BARX2: variants seen among roughly 807,000 people sequenced by gnomAD.
The protein encoded by BARX2 is BARX homeobox 2.
In BARX2, 11 loss-of-function variants were observed where a neutral mutation model predicts 25.5. That is an observed-to-expected ratio of 0.43 (90% CI 0.27 to 0.71). The LOEUF (loss-of-function observed/expected upper bound fraction) is 0.71. Among genes scored for constraint, BARX2 ranks in the 30% least tolerant of loss-of-function variants. BARX2 has a pLI of 0.19. For synonymous variants in BARX2, 137 were observed against 149.5 expected, an observed-to-expected ratio of 0.92 and a Z score of 0.61; for missense variants, 360 against 359.9, an observed-to-expected ratio of 1.00 and a Z score of 0.00.
intron 1 of BARX2, among the ~76,000 whole-genome samples, chr11:129,396,412 G>A (rs569752722): frequency 3.4e-5 from 5 of 149,154 alleles, no homozygotes; most frequent in Admixed American, 6.7e-5. Context: ...TTTTGTCTAA[G>A]TATTTATAAT....
chr11:129,415,612 C>T (rs1167438774), intron 1 of BARX2, among the ~76,000 whole-genome samples: 1 of 152,198 alleles, frequency 6.6e-6, no homozygotes, highest in Non-Finnish European at 1.5e-5. Flanking sequence ...TATCACAGAG[C>T]ACCGGGCCCT....
At chr11:129,423,253 A>G (rs556831650) in intron 1 of BARX2, among the ~76,000 whole-genome samples, 1 of 151,542 alleles carries the variant, frequency 6.6e-6, no homozygotes, top group Admixed American at 6.6e-5. Context: ...AGTAGCTGGG[A>G]TTACAGGCAC....
At chr11:129,413,909 A>C (rs2135399747) in intron 1 of BARX2, among the ~76,000 whole-genome samples, 1 of 152,122 alleles carries the variant, frequency 6.6e-6, no homozygotes, top group East Asian at 1.9e-4. Flanking sequence ...TAAATACAAA[A>C]ACAAAAATTA....
chr11:129,437,272 A>T, intron 2 of BARX2: 1 of 581,804 alleles, frequency 1.7e-6, no homozygotes. Context: ...AACTTAACTC[A>T]CCACTTTATC....
rs1054163522 is a variant in BARX2 at position 129,376,817 on chromosome 11, C to T, written c.187+595C>T. ...TTGTCTTAAGTCAAGCCGAAAAGGT[C>T]ACCCTCGTTTGTCTTAAGTGACCAA... On this transcript the variant is annotated intron_variant, in intron 1 of 3. Transcript: ENST00000281437. The surrounding 1 kb of genome is among the most constrained non-coding windows in gnomAD (Gnocchi z 4.2). Among the ~76,000 whole-genome samples, 1 of 152,280 alleles carries T rather than the reference C, an allele frequency of 6.6e-6. No homozygotes were observed. Among genetic ancestry groups the T allele is most frequent in the South Asian group, 2.1e-4 (1 of 4,828 alleles).
chr11:129,405,967 A>G (rs1016653532), intron 1 of BARX2, among the ~76,000 whole-genome samples: 4 of 152,162 alleles, frequency 2.6e-5, no homozygotes, highest in African/African-American at 9.7e-5. Flanking sequence ...CATTTAAGTG[A>G]TTGTCTTGCT....
At chr11:129,384,648 A>G (rs978541143) in intron 1 of BARX2, among the ~76,000 whole-genome samples, 6 of 152,236 alleles carry the variant, frequency 3.9e-5, no homozygotes, top group African/African-American at 1.4e-4. Flanking sequence ...CTGATATTGC[A>G]TCTTCTTATC....
rs199783856 is a variant in BARX2, at chr11:129,396,355, CTG to C, written c.187+20136_187+20137del. Among the ~76,000 whole-genome samples the C allele has an allele frequency of 2.7e-3, 414 of 151,012 alleles. 3 individuals carry two copies. Among genetic ancestry groups the C allele is most frequent in the African/African-American group, 9.5e-3 (393 of 41,154 alleles). ...TTTAGGGATCGCCTTGGCCCCACACCTGTGGCTTTCTGATATTGCCACTCCTC... is the reference window on the plus strand; with the variant it reads ...TTTAGGGATCGCCTTGGCCCCACACCTGGCTTTCTGATATTGCCACTCCTC... On this transcript the variant is annotated intron_variant, in intron 1 of 3. Coordinates refer to ENST00000281437, the MANE Select transcript of BARX2 (RefSeq NM_003658.5).
At chr11:129,437,515 C>T in intron 2 of BARX2, 7 of 987,352 alleles carry the variant, frequency 7.1e-6, no homozygotes, top group Non-Finnish European at 8.4e-6. Context: ...TTGGGAAGGA[C>T]TGGAGGGATC....
intron 1 of BARX2, among the ~76,000 whole-genome samples, chr11:129,413,803 C>G (rs928374400): frequency 2.6e-5 from 4 of 152,142 alleles, no homozygotes; most frequent in Non-Finnish European, 5.9e-5. Context: ...GTGGCTCACG[C>G]CTGTAATCCC....
At chr11:129,428,008 A>G (rs992559205) in intron 1 of BARX2, among the ~76,000 whole-genome samples, 8 of 152,356 alleles carry the variant, frequency 5.3e-5, no homozygotes, top group Admixed American at 5.2e-4. Flanking sequence ...CAGATTCTCA[A>G]AAAGGCCGAA....
chr11:129,440,785 A>G (rs942250046), intron 2 of BARX2, among the ~76,000 whole-genome samples: 28 of 152,226 alleles, frequency 1.8e-4, no homozygotes, highest in African/African-American at 5.8e-4. Context: ...TGATAGTTAG[A>G]TCTCCCCAGG....
chr11:129,440,372 TG>T (rs948861849), intron 2 of BARX2, among the ~76,000 whole-genome samples: 2 of 152,170 alleles, frequency 1.3e-5, no homozygotes, highest in African/African-American at 4.8e-5. Flanking sequence ...TGGCCTCAGG[TG>T]AACTGGGCTC....
intron 1 of BARX2, among the ~76,000 whole-genome samples, chr11:129,396,268 T>G (rs1439027793): frequency 1.3e-4 from 20 of 152,188 alleles, no homozygotes. Flanking sequence ...TACAGCACTT[T>G]TCTTCTCTTA....
chr11:129,377,428 A>G (rs915139012), intron 1 of BARX2, among the ~76,000 whole-genome samples: 5 of 152,242 alleles, frequency 3.3e-5, no homozygotes, highest in Non-Finnish European at 5.9e-5. Flanking sequence ...TGTAAAATGT[A>G]TACTGTATTC....
intron 1 of BARX2, among the ~76,000 whole-genome samples, chr11:129,435,664 G>C (rs1862179964): frequency 6.6e-6 from 1 of 152,200 alleles, no homozygotes; most frequent in African/African-American, 2.4e-5. Flanking sequence ...CAGTATATTA[G>C]AGTTTGAAGG....
intron 1 of BARX2, among the ~76,000 whole-genome samples, chr11:129,424,501 A>G (rs1176734571): frequency 6.6e-6 from 1 of 152,104 alleles, no homozygotes; most frequent in African/African-American, 2.4e-5. Flanking sequence ...TCTGGAATCC[A>G]TCCCTTCCTT....
At chr11:129,431,792 T>C (rs1419601208) in intron 1 of BARX2, among the ~76,000 whole-genome samples, 1 of 152,112 alleles carries the variant, frequency 6.6e-6, no homozygotes, top group African/African-American at 2.4e-5. Context: ...GACCAGTTTT[T>C]TGCCTTTTTA....
chr11:129,442,786 T>C, intron 2 of BARX2, 49 bp from the exon 3 acceptor site: 4 of 1,517,148 alleles, frequency 2.6e-6, no homozygotes, highest in Non-Finnish European at 3.7e-6. Context: ...CCATCTCTCC[T>C]GCTGCCTCCC....
Sources: allele counts gnomAD v4.1 joint callset (sites outside exome capture counted in the v4.1 genomes callset), GRCh38; gene constraint gnomAD v4.1.1; non-coding constraint Gnocchi (gnomAD v3.1); transcripts MANE v1.5; gene names NCBI Gene and HGNC (gene_info 2026-07-23, HGNC 2026-07-21).